SYCE1L: variants seen among roughly 807,000 people sequenced by gnomAD.
SYCE1L encodes the protein synaptonemal complex central element protein 1 like.
Under a neutral mutation model 39.6 loss-of-function variants are expected in SYCE1L, and 51 were observed. That is an observed-to-expected ratio of 1.29 (90% CI 1.03 to 1.63). SYCE1L has a LOEUF of 1.63. Ranked by LOEUF, SYCE1L falls within the 40% of genes most tolerant of loss-of-function variation. SYCE1L has a pLI of 0.00. For synonymous variants in SYCE1L, 147 were observed against 122.4 expected, an observed-to-expected ratio of 1.20 and a Z score of -1.33; for missense variants, 426 against 304.9, an observed-to-expected ratio of 1.40 and a Z score of -2.96.
At chr16:77,209,505 A>T (rs781210197) in intron 6 of SYCE1L, 34 bp downstream of exon 6, 2 of 1,550,854 alleles carry the variant, frequency 1.3e-6, no homozygotes, top group African/African-American at 2.7e-5. Flanking sequence ...TCCCTACCTC[A>T]TTCCCCAGCT....
At chr16:77,212,397 G>A in intron 9 of SYCE1L, 28 bp downstream of exon 9, 2 of 1,525,922 alleles carry the variant, frequency 1.3e-6, no homozygotes, top group South Asian at 1.2e-5. Flanking sequence ...GAGTGGGCGA[G>A]GAGGGCAGGG....
chr16:77,204,319 A>G (rs2054769717), intron 1 of SYCE1L, among the ~76,000 whole-genome samples: 1 of 152,244 alleles, frequency 6.6e-6, no homozygotes, highest in Non-Finnish European at 1.5e-5. Context: ...CATGTCCACC[A>G]GAACTTCAGA....
chr16:77,203,961 T>G (rs1452133305), intron 1 of SYCE1L, among the ~76,000 whole-genome samples: 1 of 152,102 alleles, frequency 6.6e-6, no homozygotes, highest in South Asian at 2.1e-4. Context: ...AATTATGTCC[T>G]TAAGACACAT....
At chr16:77,209,252 T>C (rs2054806710) in intron 5 of SYCE1L, 108 bp downstream of exon 5, 5 of 1,382,494 alleles carry the variant, frequency 3.6e-6, no homozygotes, top group Non-Finnish European at 4.0e-6. Flanking sequence ...GCAGGGTGCT[T>C]CCCTCTCTGC....
At chr16:77,202,722 TC>T (rs1404803849) in intron 1 of SYCE1L, among the ~76,000 whole-genome samples, 1 of 152,182 alleles carries the variant, frequency 6.6e-6, no homozygotes, top group Non-Finnish European at 1.5e-5. Context: ...TAGTTGAGAC[TC>T]CTAATGAAGT....
chr16:77,206,837 T>G (rs548546576), intron 2 of SYCE1L, among the ~76,000 whole-genome samples: 2 of 151,640 alleles, frequency 1.3e-5, no homozygotes, highest in East Asian at 3.9e-4. Context: ...ATGTATATTT[T>G]TTGTCCTCCC....
chr16:77,211,734 G>T (rs2054823916), intron 7 of SYCE1L, among the ~76,000 whole-genome samples: 1 of 152,222 alleles, frequency 6.6e-6, no homozygotes, highest in Non-Finnish European at 1.5e-5. Flanking sequence ...TTAGTGGCTA[G>T]ATCGTGGAAC....
chr16:77,205,748 T>G (rs546259354), intron 1 of SYCE1L, among the ~76,000 whole-genome samples: 1 of 152,258 alleles, frequency 6.6e-6, no homozygotes, highest in East Asian at 1.9e-4. Context: ...TCCATCCCGC[T>G]TTTTTGTTTT....
intron 10 of SYCE1L, 65 bp downstream of exon 10, chr16:77,212,711 T>C: frequency 1.4e-6 from 2 of 1,440,050 alleles, no homozygotes; most frequent in African/African-American, 3.1e-5. Context: ...CGGGCGGGGG[T>C]CCTGGGAGCG....
Position 77,208,516 on chromosome 16 carries a change from C to G in SYCE1L, c.233C>G (p.Ala78Gly), listed in dbSNP as rs776666926. The G allele has an allele frequency of 7.7e-6, 12 of 1,551,670 alleles. No individual in the cohort carries two copies. ...ELRETHSLWE[A>G]LHRELDSLNG... ...AGAGAGACCCACAGTCTCTGGGAGGCCCTGCATAGGGAATTAGACTCCTGT... is the reference window on the plus strand; with the variant it reads ...AGAGAGACCCACAGTCTCTGGGAGGGCCTGCATAGGGAATTAGACTCCTGT... The change falls in exon 4 of 11, where the codon GCC becomes GGC. Residue 78 changes from alanine (A) to glycine (G), a missense_variant. Transcript: ENST00000378644.
Position 77,212,840 on chromosome 16 carries a change from C to T in SYCE1L, c.655-17C>T, listed in dbSNP as rs1163496786. On this transcript the variant is annotated splice_polypyrimidine_tract_variant and intron_variant, in intron 10 of 10. Transcript: ENST00000378644. ...AGCGTAGGAACCTGGTCCGCAGCCTCACCCAGCCCCCGGCAGGCCGGACCT... is the reference window on the plus strand; with the variant it reads ...AGCGTAGGAACCTGGTCCGCAGCCTTACCCAGCCCCCGGCAGGCCGGACCT... The T allele has an allele frequency of 3.4e-6, 5 of 1,474,120 alleles. No homozygotes were observed. Among genetic ancestry groups the T allele is most frequent in the South Asian group, 2.6e-5 (2 of 76,598 alleles). 91.3% of individuals were successfully genotyped at this position (1,474,120 alleles called of 1,614,324 possible).
intron 1 of SYCE1L, among the ~76,000 whole-genome samples, chr16:77,205,983 G>T (rs1418576660): frequency 6.6e-6 from 1 of 152,090 alleles, no homozygotes; most frequent in African/African-American, 2.4e-5. Context: ...ATATCCAGTT[G>T]TCTTTTTTTG....
chr16:77,200,287 T>TACATAC (rs1164094469), intron 1 of SYCE1L: 1 of 126,858 alleles, frequency 7.9e-6, no homozygotes, highest in Non-Finnish European at 1.6e-5. Context: ...TATATATATA[T>TACATAC]ATATACACAC....
At chr16:77,208,861 C>G (rs927238064) in intron 4 of SYCE1L, among the ~76,000 whole-genome samples, 8 of 152,192 alleles carry the variant, frequency 5.3e-5, no homozygotes, top group Non-Finnish European at 1.2e-4. Flanking sequence ...TCAGTGTAAA[C>G]CTTGTACATT....
chr16:77,212,194 C>A lies in SYCE1L; in HGVS notation c.488C>A (p.Ser163Ter), dbSNP rs1189818178. 3.9e-6 allele frequency: 6 copies of A among 1,547,600 alleles called. No individual in the cohort carries two copies. Among genetic ancestry groups the A allele is most frequent in the South Asian group, 1.2e-5 (1 of 83,904 alleles). ...GAGAGAAGCAAGGAGCAGCTGCTCT[C>A]GGAGAGTGAGCCTCCCGCGCCAGGT... ...ALERSKEQLL[S>*]ERRLVRAKLR... is the part of the protein sequence containing the mutation. The change falls in exon 8 of 11, where the codon TCG becomes TAG. Residue 163 changes from serine to a stop codon, truncating the protein, a stop_gained. Coordinates refer to ENST00000378644, the MANE Select transcript of SYCE1L (RefSeq NM_001129979.3). LOFTEE classifies it high-confidence loss of function.
At chr16:77,203,657 C>G (rs1270085492) in intron 1 of SYCE1L, among the ~76,000 whole-genome samples, 1 of 137,476 alleles carries the variant, frequency 7.3e-6, no homozygotes, top group Non-Finnish European at 1.5e-5. Flanking sequence ...TGCAATGGTG[C>G]CATCTCGGCT....
chr16:77,208,554 A>T lies in SYCE1L; in HGVS notation c.256+15A>T. On this transcript the variant is annotated intron_variant, in intron 4 of 10. Coordinates refer to ENST00000378644, the MANE Select transcript of SYCE1L (RefSeq NM_001129979.3). ...ATTAGACTCCTGTAAGTGGGGCCAA[A>T]AGAGGGACCCATCAACACTGCAGAT... The T allele has an allele frequency of 6.4e-7, 1 of 1,551,360 alleles. No individual in the cohort carries two copies. Among genetic ancestry groups the T allele is most frequent in the Non-Finnish European group, 8.7e-7 (1 of 1,146,740 alleles).
chr16:77,209,406 CT>C lies in SYCE1L; in HGVS notation c.305-9del. 6.4e-7 allele frequency: 1 copy of C among 1,551,700 alleles called. No homozygotes were observed. The highest frequency in any genetic ancestry group is 1.4e-5 in the African/African-American group (1 of 73,180). Reference sequence around the variant, plus strand: ...AGCTCTCAAAGGGTCCCCTTGGTTCCTTCCCCACAGAGGCACTGAGGATCCT... The same window carrying C: ...AGCTCTCAAAGGGTCCCCTTGGTTCCTCCCCACAGAGGCACTGAGGATCCT... On this transcript the variant is annotated splice_polypyrimidine_tract_variant and intron_variant, in intron 5 of 10. Transcript: ENST00000378644.
chr16:77,212,295 C>T lies in SYCE1L; in HGVS notation c.507C>T (p.Arg169=). The T allele has an allele frequency of 2.0e-6, 3 of 1,522,474 alleles. No individual in the cohort carries two copies. Among genetic ancestry groups the T allele is most frequent in the East Asian group, 2.5e-5 (1 of 40,334 alleles). The allele number at this position is 1,522,474 out of a possible 1,614,324, so 94.3% of individuals were successfully genotyped here. The part of the protein sequence containing the change: ...EQLLSERRLV[R]AKLREVERRL... ...GCCCACCGACAGGGAGGCTGGTGCG[C>T]GCCAAGCTGCGGGAGGTGGAGCGGC... The change falls in exon 9 of 11, where the codon CGC becomes CGT. Residue 169 remains arginine (R), a synonymous_variant. Transcript: ENST00000378644.
Sources: gnomAD v4.1 joint callset for allele counts (sites outside exome capture counted in the v4.1 genomes callset) on GRCh38, gnomAD v4.1.1 for gene constraint, MANE v1.5 for transcripts, NCBI Gene and HGNC (gene_info 2026-07-23, HGNC 2026-07-21) for gene names.